The following JMJD1C variants were observed in gnomAD, a reference collection of about 807,000 sequenced individuals.
JMJD1C encodes jumonji domain-containing protein 1C.
Under a neutral mutation model 245.3 loss-of-function variants are expected in JMJD1C, and 31 were observed. The observed-to-expected ratio is 0.13, with a 90% CI of 0.09 to 0.17. The LOEUF (loss-of-function observed/expected upper bound fraction) is 0.17, where lower values mean the gene tolerates loss of function less well. Among genes scored for constraint, JMJD1C ranks in the 10% least tolerant of loss-of-function variants. The pLI is 1.00. For missense variants in JMJD1C, 2,691 were observed against 3,000.2 expected, an observed-to-expected ratio of 0.90 and a Z score of 2.41; for synonymous variants, 1,057 against 1,017.4, an observed-to-expected ratio of 1.04 and a Z score of -0.74.
intron 1 of JMJD1C, among the ~76,000 whole-genome samples, chr10:63,424,497 CTTTTT>C (rs59823871): frequency 1.0e-3 from 107 of 103,382 alleles, no homozygotes; most frequent in South Asian, 9.8e-3. Context: ...ATTATTATTT[CTTTTT>C]TTTTTTTTTT....
chr10:63,385,465 T>A (rs190192022), intron 1 of JMJD1C, among the ~76,000 whole-genome samples: 1 of 126,200 alleles, frequency 7.9e-6, no homozygotes, highest in Admixed American at 1.0e-4. Context: ...AGAGATAGGG[T>A]CTTGCTCTAT....
intron 22 of JMJD1C, among the ~76,000 whole-genome samples, chr10:63,180,917 C>T (rs527909195): frequency 5.3e-5 from 8 of 152,004 alleles, no homozygotes; most frequent in African/African-American, 1.7e-4. Flanking sequence ...TACAGGCGCC[C>T]GCCACTACGC....
At chr10:63,221,715 G>A (rs1848617153) in intron 3 of JMJD1C, among the ~76,000 whole-genome samples, 1 of 152,056 alleles carries the variant, frequency 6.6e-6, no homozygotes, top group South Asian at 2.1e-4. Flanking sequence ...ACAGAACATA[G>A]GAAACTTTTT....
upstream of JMJD1C, chr10:63,466,599 C>G (rs1953298396): frequency 6.6e-6 from 1 of 152,232 alleles, no homozygotes; most frequent in Admixed American, 6.5e-5. Context: ...AGCAAATGCT[C>G]CGTGGCGGGC....
chr10:63,380,631 T>C (rs531395634), intron 1 of JMJD1C, 149 bp from the exon 2 acceptor site: 24 of 616,538 alleles, frequency 3.9e-5, no homozygotes, highest in Admixed American at 9.2e-5. Flanking sequence ...TCAGGGTAAT[T>C]AGAATATCCA....
At chr10:63,427,410 C>A in intron 1 of JMJD1C, 1 of 1,105,652 alleles carries the variant, frequency 9.0e-7, no homozygotes, top group Non-Finnish European at 1.3e-6. Flanking sequence ...TGACGGAAGA[C>A]ACAGTACACC....
At chr10:63,436,130 A>AGATT (rs1951047010) in intron 1 of JMJD1C, among the ~76,000 whole-genome samples, 1 of 152,196 alleles carries the variant, frequency 6.6e-6, no homozygotes, top group African/African-American at 2.4e-5. Context: ...AGGCCTTGAG[A>AGATT]GATTATATGA....
chr10:63,521,590 C>A (rs1484902353), intron 1 of JMJD1C: 3 of 1,408,194 alleles, frequency 2.1e-6, no homozygotes, highest in Non-Finnish European at 2.8e-6. Flanking sequence ...AAGTGCCTCT[C>A]ACTGCGCCCT....
At position 63,408,419 on chromosome 10, in the gene JMJD1C, A is replaced by G. The variant is rs572056176; in HGVS notation, c.169-27937T>C. ...ACTGTCTCAGAAAAAAAAAACAGAT[A>G]AAAATCAATGTACATCTAGGAAAGT... On this transcript the variant is annotated intron_variant, in intron 1 of 25. Transcript: ENST00000399262. Among the ~76,000 whole-genome samples, 16 of 152,112 alleles carry G rather than the reference A, an allele frequency of 1.1e-4. No individual in the cohort carries two copies. The South Asian group carries it at 3.3e-3, about 32-fold the overall frequency.
intron 2 of JMJD1C, among the ~76,000 whole-genome samples, chr10:63,326,952 C>T (rs1941592871): frequency 1.3e-5 from 2 of 152,034 alleles, no homozygotes; most frequent in Non-Finnish European, 2.9e-5. Flanking sequence ...TTTGGGAGAC[C>T]GAGACAGGAA....
rs1845318464 is a variant in JMJD1C at position 63,195,281 on chromosome 10, G to C, written c.5645-906C>G. 2.0e-5 allele frequency among the ~76,000 whole-genome samples: 3 copies of C among 150,516 alleles called. No homozygotes were observed. In the South Asian group the frequency reaches 6.3e-4, roughly 32 times the overall value. On this transcript the variant is annotated intron_variant, in intron 13 of 25. Coordinates refer to ENST00000399262, the MANE Select transcript of JMJD1C (RefSeq NM_032776.3). Reference sequence around the variant, plus strand: ...GGCAGGAGAATCACTTGAACTCCAGGAGGTGCAGGTTGCAGCAAGCCGAGA... The same window carrying C: ...GGCAGGAGAATCACTTGAACTCCAGCAGGTGCAGGTTGCAGCAAGCCGAGA...
At chr10:63,416,531 A>G (rs1949816565) in intron 1 of JMJD1C, among the ~76,000 whole-genome samples, 1 of 152,196 alleles carries the variant, frequency 6.6e-6, no homozygotes. Context: ...AGGCCTGTCA[A>G]GTAACAAGGG....
intron 2 of JMJD1C, among the ~76,000 whole-genome samples, chr10:63,284,149 C>A (rs1276173786): frequency 6.6e-6 from 1 of 151,978 alleles, no homozygotes; most frequent in Non-Finnish European, 1.5e-5. Flanking sequence ...CCTCAGCCTC[C>A]TGAGTAACAG....
chr10:63,363,082 A>G (rs1945527282), intron 2 of JMJD1C, among the ~76,000 whole-genome samples: 2 of 152,112 alleles, frequency 1.3e-5, no homozygotes, highest in Non-Finnish European at 2.9e-5. Context: ...AAGGATTTTC[A>G]TTTAATGCAC....
intron 2 of JMJD1C, among the ~76,000 whole-genome samples, chr10:63,361,384 T>C (rs537108671): frequency 5.3e-5 from 8 of 152,152 alleles, no homozygotes; most frequent in South Asian, 2.1e-4. Context: ...GATTGCGCCA[T>C]TGCACTCCAG....
At chr10:63,499,339 T>C (rs1202463109) in intron 1 of JMJD1C, among the ~76,000 whole-genome samples, 6 of 152,340 alleles carry the variant, frequency 3.9e-5, no homozygotes, top group South Asian at 2.1e-4. Flanking sequence ...CCAACACCAG[T>C]AGGCAGACAA....
At chr10:63,319,496 CCT>C (rs1267867032) in intron 2 of JMJD1C, among the ~76,000 whole-genome samples, 2 of 151,720 alleles carry the variant, frequency 1.3e-5, no homozygotes, top group African/African-American at 2.4e-5. Context: ...AAATTTCTCA[CCT>C]CTCTCTTTTC....
intron 1 of JMJD1C, among the ~76,000 whole-genome samples, chr10:63,391,236 C>T (rs1467676311): frequency 6.6e-6 from 1 of 152,064 alleles, no homozygotes. Flanking sequence ...GGTGGCCAGG[C>T]GTGGTGGCTG....
chr10:63,439,600 G>C (rs1265556805), intron 1 of JMJD1C, among the ~76,000 whole-genome samples: 1 of 152,008 alleles, frequency 6.6e-6, no homozygotes, highest in Admixed American at 6.6e-5. Flanking sequence ...AACCACCTCA[G>C]TTTACACGGA....
Sources: gnomAD v4.1 joint callset for allele counts (sites outside exome capture counted in the v4.1 genomes callset) on GRCh38, gnomAD v4.1.1 for gene constraint, MANE v1.5 for transcripts, NCBI Gene and HGNC (gene_info 2026-07-23, HGNC 2026-07-21) for gene names.